SEPTIN9: variants seen among roughly 807,000 people sequenced by gnomAD.
SEPTIN9 encodes the protein septin 9.
Under a neutral mutation model 56.6 loss-of-function variants are expected in SEPTIN9, and 13 were observed. The observed-to-expected ratio is 0.23, with a 90% confidence interval of 0.15 to 0.37. The LOEUF is 0.37. SEPTIN9 is among the 10% of genes least tolerant of loss of function. The pLI is 1.00. For synonymous variants in SEPTIN9, 332 were observed against 334.1 expected, an observed-to-expected ratio of 0.99 and a Z score of 0.07; for missense variants, 650 against 823.1, an observed-to-expected ratio of 0.79 and a Z score of 2.57.
In SEPTIN9 at chr17:77,317,987, G is replaced by C. The variant is rs2032769155; in HGVS notation, c.76+10790G>C. On this transcript the variant is annotated intron_variant, in intron 2 of 11. Coordinates refer to ENST00000427177, the MANE Select transcript of SEPTIN9 (RefSeq NM_001113491.2). The surrounding 1 kb of genome is among the most constrained non-coding windows in gnomAD (Gnocchi z 4.2). ...AATTGCTTGAACCCAGGTGGCGGAGGTTGCAGTGAACTGAGATAGTGCCAC... is the reference window on the plus strand; with the variant it reads ...AATTGCTTGAACCCAGGTGGCGGAGCTTGCAGTGAACTGAGATAGTGCCAC... Among the ~76,000 whole-genome samples, 1 of 152,102 alleles carries C rather than the reference G, an allele frequency of 6.6e-6. No homozygotes were observed. Among genetic ancestry groups the C allele is most frequent in the African/African-American group, 2.4e-5 (1 of 41,404 alleles).
At chr17:77,427,031 A>G (rs1438721075) in intron 3 of SEPTIN9, 1 of 152,268 alleles carries the variant, frequency 6.6e-6, no homozygotes, top group Non-Finnish European at 1.5e-5. Flanking sequence ...GCAGACAGCT[A>G]CAAGCAGCTA....
At chr17:77,497,745 C>CT (rs1382122613) in intron 11 of SEPTIN9, 3 of 331,496 alleles carry the variant, frequency 9.0e-6, no homozygotes, top group Non-Finnish European at 5.8e-6. Flanking sequence ...ACCCCTACCC[C>CT]TTTCACCTGG....
chr17:77,488,939 T>C (rs1598463924), intron 7 of SEPTIN9, 75 bp downstream of exon 7: 4 of 1,572,424 alleles, frequency 2.5e-6, no homozygotes, highest in Non-Finnish European at 8.6e-7. Context: ...TGCAAGACGG[T>C]GCTGTCTGCC....
At chr17:77,471,218 G>A (rs2038982067) in intron 3 of SEPTIN9, among the ~76,000 whole-genome samples, 1 of 152,134 alleles carries the variant, frequency 6.6e-6, no homozygotes, top group Non-Finnish European at 1.5e-5. Context: ...CCTCCTGAAG[G>A]GGTCATTTAG....
intron 2 of SEPTIN9, among the ~76,000 whole-genome samples, chr17:77,354,372 G>C (rs973354312): frequency 6.6e-5 from 10 of 152,172 alleles, no homozygotes; most frequent in African/African-American, 2.2e-4. Flanking sequence ...ATGTGAGTCA[G>C]GCCTTGAGCT....
intron 3 of SEPTIN9, among the ~76,000 whole-genome samples, chr17:77,443,983 T>A (rs933399822): frequency 6.6e-6 from 1 of 150,992 alleles, no homozygotes. Flanking sequence ...GAGGCAAAGG[T>A]GAATAAGAGT....
intron 2 of SEPTIN9, among the ~76,000 whole-genome samples, chr17:77,333,757 G>A (rs918031947): frequency 6.6e-6 from 1 of 151,842 alleles, no homozygotes; most frequent in Non-Finnish European, 1.5e-5. Flanking sequence ...AGAGGGTCAG[G>A]GTTCATTTTG....
chr17:77,437,838 T>A lies in SEPTIN9; in HGVS notation c.721+35135T>A, dbSNP rs1426240961. 6.6e-6 allele frequency among the ~76,000 whole-genome samples: 1 copy of A among 152,208 alleles called. No individual in the cohort carries two copies. The highest frequency in any genetic ancestry group is 1.9e-4 in the East Asian group (1 of 5,194). On this transcript the variant is annotated intron_variant, in intron 3 of 11. Coordinates refer to ENST00000427177, the MANE Select transcript of SEPTIN9 (RefSeq NM_001113491.2). This position sits in a 1 kb window ranked among gnomAD's most constrained non-coding sequence, Gnocchi z 5.3. ...TGTAGCCCCACTCCCTGTAAGAAAG[T>A]CAGGTGCCTCCCGAAGCTTCTCCCT...
chr17:77,442,598 T>G (rs1359046764), intron 3 of SEPTIN9, among the ~76,000 whole-genome samples: 2 of 141,754 alleles, frequency 1.4e-5, no homozygotes, highest in Non-Finnish European at 1.5e-5. Flanking sequence ...ATGGGCCGGG[T>G]GCGATGGCTC....
chr17:77,307,341 TCTTTGACGG>T (rs1301068116), intron 2 of SEPTIN9, 144 bp downstream of exon 2: 1 of 793,996 alleles, frequency 1.3e-6, no homozygotes, highest in African/African-American at 1.7e-5. Flanking sequence ...GGAGACGCAG[TCTTTGACGG>T]CTTTGGACTC....
intron 2 of SEPTIN9, among the ~76,000 whole-genome samples, chr17:77,361,053 A>C (rs966526958): frequency 4.6e-5 from 7 of 150,594 alleles, no homozygotes; most frequent in Non-Finnish European, 7.4e-5. Context: ...CCTCCCAAGT[A>C]GCTGGGATTA....
intron 1 of SEPTIN9, among the ~76,000 whole-genome samples, chr17:77,295,137 G>A (rs778343221): frequency 6.6e-6 from 1 of 152,146 alleles, no homozygotes; most frequent in Non-Finnish European, 1.5e-5. Flanking sequence ...GGAAATGAAC[G>A]GGGACGTTAA....
chr17:77,300,291 A>C (rs1167389381), intron 1 of SEPTIN9, among the ~76,000 whole-genome samples: 1 of 152,114 alleles, frequency 6.6e-6, no homozygotes, highest in East Asian at 1.9e-4. Flanking sequence ...ATTCTCCTGT[A>C]GGAGCAAGTT....
In SEPTIN9 at chr17:77,319,769, T is replaced by A. The variant is rs1444780700; in HGVS notation, c.76+12572T>A. ...TCGTAGCATCGCGGGACAGGGAAAA[T>A]GAAAGACTTTGGAAGTCGTCAGGAA... On this transcript the variant is annotated intron_variant, in intron 2 of 11. Coordinates refer to ENST00000427177, the MANE Select transcript of SEPTIN9 (RefSeq NM_001113491.2). This position sits in a 1 kb window ranked among gnomAD's most constrained non-coding sequence, Gnocchi z 5.3. 2.8e-6 allele frequency: 3 copies of A among 1,071,808 alleles called. No individual in the cohort carries two copies. Among genetic ancestry groups the A allele is most frequent in the Non-Finnish European group, 3.4e-6 (3 of 882,700 alleles). The allele number at this position is 1,071,808 out of a possible 1,614,324, so 66.4% of individuals were successfully genotyped here. A position where few individuals can be genotyped will look rare whatever the true frequency, so the allele number is the denominator to read the frequency against.
chr17:77,473,531 C>T (rs2039089404), intron 3 of SEPTIN9, among the ~76,000 whole-genome samples: 1 of 152,144 alleles, frequency 6.6e-6, no homozygotes, highest in Admixed American at 6.5e-5. Flanking sequence ...ATCCACGGGC[C>T]TAGGGATTCT....
intron 2 of SEPTIN9, among the ~76,000 whole-genome samples, chr17:77,312,960 A>C (rs761469127): frequency 1.1e-4 from 17 of 152,244 alleles, no homozygotes; most frequent in Non-Finnish European, 2.1e-4. Context: ...CAGATACAGA[A>C]CATTGACATC....
chr17:77,420,166 G>T (rs1217233191), intron 3 of SEPTIN9, among the ~76,000 whole-genome samples: 1 of 152,216 alleles, frequency 6.6e-6, no homozygotes, highest in Non-Finnish European at 1.5e-5. Context: ...TGGTCAGGCT[G>T]CAGGGCAGGA....
chr17:77,353,049 A>G lies in SEPTIN9; in HGVS notation c.76+45852A>G, dbSNP rs560257565. 3.6e-4 allele frequency among the ~76,000 whole-genome samples: 55 copies of G among 152,364 alleles called. No individual in the cohort carries two copies. The East Asian group carries it at 7.3e-3, about 20-fold the overall frequency. ...TTACATCTTCAAAGACCCTATGTCC[A>G]TATAAAGTCACATTCATAGGTACTG... On this transcript the variant is annotated intron_variant, in intron 2 of 11. Coordinates refer to ENST00000427177, the MANE Select transcript of SEPTIN9 (RefSeq NM_001113491.2).
intron 2 of SEPTIN9, among the ~76,000 whole-genome samples, chr17:77,342,083 A>G (rs1161556818): frequency 1.3e-5 from 2 of 152,024 alleles, no homozygotes; most frequent in East Asian, 3.9e-4. Flanking sequence ...TCAAAAAAAA[A>G]AAAACAAAGA....
Sources: allele counts gnomAD v4.1 joint callset (sites outside exome capture counted in the v4.1 genomes callset), GRCh38; gene constraint gnomAD v4.1.1; non-coding constraint Gnocchi (gnomAD v3.1); transcripts MANE v1.5; gene names NCBI Gene and HGNC (gene_info 2026-07-23, HGNC 2026-07-21).